Variants in VSIG10L2 observed in about 807,000 individuals in gnomAD.
VSIG10L2 encodes the protein V-set and immunoglobulin domain-containing protein 10-like 2.
A neutral mutation model predicts 67.1 loss-of-function variants in VSIG10L2; 56 were observed. The observed-to-expected ratio is 0.83, with a 90% CI of 0.67 to 1.04. The LOEUF (loss-of-function observed/expected upper bound fraction) is 1.04, where lower values mean the gene tolerates loss of function less well. VSIG10L2 is among the 50% of genes least tolerant of loss of function. The pLI is 0.00. For synonymous variants in VSIG10L2, 360 were observed against 396.6 expected (o/e 0.91, Z 1.10); for missense variants, 843 against 932.8 (o/e 0.90, Z 1.25).
chr11:125,955,311 A>G, intron 9 of VSIG10L2, 132 bp downstream of exon 9: 1 of 1,277,838 alleles, frequency 7.8e-7, no homozygotes, highest in Non-Finnish European at 1.0e-6. Flanking sequence ...CCCTCTCCCC[A>G]GTGCTAGATG....
chr11:125,953,832 C>T (rs1333274263), intron 7 of VSIG10L2, 142 bp downstream of exon 7: 7 of 825,530 alleles, frequency 8.5e-6, no homozygotes, highest in Non-Finnish European at 1.1e-5. Flanking sequence ...AGGCAGGACT[C>T]AAGAGATAGA....
intron 7 of VSIG10L2, 148 bp downstream of exon 7, chr11:125,953,838 A>G (rs1945412109): frequency 1.3e-6 from 1 of 773,830 alleles, no homozygotes; most frequent in African/African-American, 1.8e-5. Flanking sequence ...GACTCAAGAG[A>G]TAGATGGGCA....
Position 125,953,597 on chromosome 11 carries a change from G to A in VSIG10L2, c.1693G>A (p.Asp565Asn), listed in dbSNP as rs7938441. 2.4e-6 allele frequency: 3 copies of A among 1,232,062 alleles called. No individual in the cohort carries two copies. Among genetic ancestry groups the A allele is most frequent in the African/African-American group, 1.6e-5 (1 of 64,408 alleles). 76.3% of individuals were successfully genotyped at this position (1,232,062 alleles called of 1,614,324 possible). A position where few individuals can be genotyped will look rare whatever the true frequency, so the allele number is the denominator to read the frequency against. Residue 565 changes from aspartate to asparagine, a missense_variant, in exon 7 of 12, where the codon GAT (aspartate) becomes AAT (asparagine). This residue lies in a region of VSIG10L2 where 397 missense variants were observed against 384.4 expected (regional missense o/e 1.03). Transcript: ENST00000686984. ...TGCCCAGCTGCGCCTGGGCATCTAC[G>A]ATGCTGACCCGGCACACCACAGGGG... ...EGAQLRLGIY[D>N]ADPAHHRGTY...
chr11:125,946,052 G>T lies in VSIG10L2; in HGVS notation c.-4G>T, dbSNP rs565742209. 1,273 of 399,314 alleles carry T rather than the reference G, an allele frequency of 3.2e-3. 5 individuals carry two copies. Among genetic ancestry groups the T allele is most frequent in the Middle Eastern group, 4.4e-3 (7 of 1,588 alleles). 24.7% of individuals were successfully genotyped at this position (399,314 alleles called of 1,614,324 possible). ...AGGTGGGTGGCCATCAGGGAGATGG[G>T]GCCATGGTGGGTCAGAGGGCCCAGC... On this transcript the variant is annotated 5_prime_UTR_variant, in exon 1 of 12. Transcript: ENST00000686984. The surrounding 1 kb of genome is among the most constrained non-coding windows in gnomAD (Gnocchi z 4.4).
Position 125,953,683 on chromosome 11 carries a change from G to A in VSIG10L2, c.1779G>A (p.Glu593=), listed in dbSNP as rs1173921246. 9 of 1,232,202 alleles carry A rather than the reference G, an allele frequency of 7.3e-6. No individual in the cohort carries two copies. The highest frequency in any genetic ancestry group is 1.6e-5 in the African/African-American group (1 of 64,438). 76.3% of individuals were successfully genotyped at this position (1,232,202 alleles called of 1,614,324 possible). A position where few individuals can be genotyped will look rare whatever the true frequency, so the allele number is the denominator to read the frequency against. ...ATAGCAGTCAGAGTGTGCTGCTGGA[G>A]GTCCTGAGTGAGTGAGGGGTTGAAT... ...VGNSSQSVLL[E]VLRYPAPPNV... Residue 593 remains glutamate (E), a synonymous_variant, in exon 7 of 12, where the codon GAG becomes GAA. Coordinates refer to ENST00000686984, the MANE Select transcript of VSIG10L2 (RefSeq NM_001365077.2).
chr11:125,948,928 T>C lies in VSIG10L2; in HGVS notation c.709+348T>C, dbSNP rs138929354. ...CCAACAGGACCCCAGGAGACAGGAA[T>C]GGGGCCACAGTGGGAGGAGAGGGCA... is the stretch of plus-strand genomic sequence containing the variant. On this transcript the variant is annotated intron_variant, in intron 3 of 11. Transcript: ENST00000686984. Among the ~76,000 whole-genome samples, 463 of 152,296 alleles carry C rather than the reference T, an allele frequency of 3.0e-3. 17 individuals are homozygous for C. The South Asian group carries it at 0.075, about 25-fold the overall frequency.
Position 125,955,174 on chromosome 11 carries a change from TCCC to T in VSIG10L2, c.2204_2206del (p.Pro735del). 1 of 1,249,956 alleles carries T rather than the reference TCCC, an allele frequency of 8.0e-7. No homozygotes were observed. Among genetic ancestry groups the T allele is most frequent in the Non-Finnish European group, 1.0e-6 (1 of 998,784 alleles). 77.4% of individuals were successfully genotyped at this position (1,249,956 alleles called of 1,614,324 possible). A position where few individuals can be genotyped will look rare whatever the true frequency, so the allele number is the denominator to read the frequency against. On this transcript the variant is annotated inframe_deletion and splice_region_variant, in exon 9 of 12. Coordinates refer to ENST00000686984, the MANE Select transcript of VSIG10L2 (RefSeq NM_001365077.2). ...TATGCTGCCCGGCACCCAGAGACTT[TCCC>T]CCGTGAGTGGGAATCGGAAGGGACG...
At position 125,955,481 on chromosome 11, in the gene VSIG10L2, G is replaced by A. The variant is rs886115602; in HGVS notation, c.2207-1G>A. 36 of 792,172 alleles carry A rather than the reference G, an allele frequency of 4.5e-5. No individual in the cohort carries two copies. Among genetic ancestry groups the A allele is most frequent in the Non-Finnish European group, 7.2e-5 (36 of 501,144 alleles). The allele number at this position is 792,172 out of a possible 1,614,324, so 49.1% of individuals were successfully genotyped here. Reference sequence around the variant, plus strand: ...TGCTCCTTTTCTTTTCCTTCCTACAGGCCTTGGTCAATTGCTTGTTCCCAC... The same window carrying A: ...TGCTCCTTTTCTTTTCCTTCCTACAAGCCTTGGTCAATTGCTTGTTCCCAC... On this transcript the variant is annotated splice_acceptor_variant, in intron 9 of 11. Transcript: ENST00000686984. LOFTEE classifies it high-confidence loss of function.
intron 6 of VSIG10L2, among the ~76,000 whole-genome samples, chr11:125,952,398 A>G (rs1466673538): frequency 6.6e-6 from 1 of 152,262 alleles, no homozygotes; most frequent in Non-Finnish European, 1.5e-5. Flanking sequence ...TATCCAGTAT[A>G]TCATTTCAAC....
At chr11:125,949,342 C>T (rs12420696) in intron 3 of VSIG10L2, among the ~76,000 whole-genome samples, 241 of 152,220 alleles carry the variant, frequency 1.6e-3, no homozygotes, top group Middle Eastern at 3.4e-3. Context: ...GTCTGGCATC[C>T]GCCTATTGGA....
chr11:125,954,095 G>C lies in VSIG10L2; in HGVS notation c.1795G>C (p.Ala599Pro). The C allele has an allele frequency of 8.1e-7, 1 of 1,232,164 alleles. No homozygotes were observed. Among genetic ancestry groups the C allele is most frequent in the Non-Finnish European group, 1.0e-6 (1 of 988,040 alleles). The allele number at this position is 1,232,164 out of a possible 1,614,324, so 76.3% of individuals were successfully genotyped here. Residue 599 changes from alanine to proline, a missense_variant, in exon 8 of 12, where the codon GCT becomes CCT. By Grantham distance (27) the Ala-to-Pro change is conservative. Transcript: ENST00000686984. ...TCCCCACCCTCACCCAGGATATCCAGCTCCTCCCAATGTCACCATCAGCCG... is the reference window on the plus strand; with the variant it reads ...TCCCCACCCTCACCCAGGATATCCACCTCCTCCCAATGTCACCATCAGCCG... ...SVLLEVLRYP[A>P]PPNVTISRLT...
intron 11 of VSIG10L2, 34 bp downstream of exon 11, chr11:125,955,701 T>C: frequency 6.6e-7 from 1 of 1,519,550 alleles, no homozygotes. Context: ...ACGACTCGTG[T>C]ACAAGGAGAC....
intron 6 of VSIG10L2, among the ~76,000 whole-genome samples, 171 bp from the exon 7 acceptor site, chr11:125,953,229 G>C (rs771530758): frequency 6.6e-6 from 1 of 152,168 alleles, no homozygotes; most frequent in Non-Finnish European, 1.5e-5. Context: ...ACTGTGACAG[G>C]AACTTGGCAT....
Position 125,954,189 on chromosome 11 carries a change from C to A in VSIG10L2, c.1889C>A (p.Thr630Lys). 8.1e-7 allele frequency: 1 copy of A among 1,232,228 alleles called. No homozygotes were observed. The highest frequency in any genetic ancestry group is 4.2e-5 in the Admixed American group (1 of 23,722). 76.3% of individuals were successfully genotyped at this position (1,232,228 alleles called of 1,614,324 possible). The change falls in exon 8 of 12, where the codon ACG becomes AAG. Residue 630 changes from threonine (T) to lysine (K), a missense_variant. Physicochemically the swap from Thr to Lys is moderately conservative, Grantham distance 78 (BLOSUM62 -1). Around this residue, in one of 2 missense-constraint regions of VSIG10L2, gnomAD observed 397 missense variants for 384.4 expected, o/e 1.03. Transcript: ENST00000686984. The stretch of plus-strand genomic sequence containing the variant: ...GCCATCTTAGGACCCGGGAACCTGA[C>A]GGGCTTCCTGGTGCAGCGGAAGGCC... ...QWAILGPGNL[T>K]GFLVQRKASA...
Position 125,956,202 on chromosome 11 carries a change from C to T in VSIG10L2, c.*288C>T, listed in dbSNP as rs1289683516. The T allele has an allele frequency of 5.1e-6, 3 of 582,600 alleles. No individual in the cohort carries two copies. The highest frequency in any genetic ancestry group is 6.4e-6 in the Non-Finnish European group (2 of 310,272). 36.1% of individuals were successfully genotyped at this position (582,600 alleles called of 1,614,324 possible). ...CTGGGTGTCTGAGGGCAAGTGAAAG[C>T]CATGGTACTGGGAAGGATCTGTGGT... is the stretch of plus-strand genomic sequence containing the variant. On this transcript the variant is annotated 3_prime_UTR_variant, in exon 12 of 12. Transcript: ENST00000686984.
intron 10 of VSIG10L2, 21 bp from the exon 11 acceptor site, chr11:125,955,593 TA>T: frequency 6.6e-6 from 10 of 1,524,938 alleles, no homozygotes; most frequent in Non-Finnish European, 8.8e-6. Flanking sequence ...CCACTAACTT[TA>T]CTCTCCCACT....
chr11:125,951,374 G>A (rs931712506), intron 5 of VSIG10L2, among the ~76,000 whole-genome samples: 1 of 152,242 alleles, frequency 6.6e-6, no homozygotes, highest in Admixed American at 6.5e-5. Context: ...CTTTGGGCTT[G>A]GAGCCCTGAC....
At chr11:125,950,888 C>A in intron 4 of VSIG10L2, 22 bp from the exon 5 acceptor site, 1 of 1,232,758 alleles carries the variant, frequency 8.1e-7, no homozygotes, top group Non-Finnish European at 1.0e-6. Context: ...CCTGCTCCAG[C>A]CTCACCCACT....
At chr11:125,954,845 AG>A (rs1945432631) in intron 8 of VSIG10L2, among the ~76,000 whole-genome samples, 1 of 152,140 alleles carries the variant, frequency 6.6e-6, no homozygotes, top group African/African-American at 2.4e-5. Flanking sequence ...ATTTGGCAGG[AG>A]AGTCAAACCC....
Sources: allele counts gnomAD v4.1 joint callset (sites outside exome capture counted in the v4.1 genomes callset), GRCh38; gene constraint gnomAD v4.1.1; regional missense constraint gnomAD v4.1.1; non-coding constraint Gnocchi (gnomAD v3.1); transcripts MANE v1.5; gene names NCBI Gene and HGNC (gene_info 2026-07-23, HGNC 2026-07-21).